CAST: variants seen among roughly 807,000 people sequenced by gnomAD.
The protein encoded by CAST is calpastatin, also known as MIR583 host.
Under a neutral mutation model 119.6 loss-of-function variants are expected in CAST, and 76 were observed. The observed-to-expected ratio is 0.64, with a 90% confidence interval of 0.53 to 0.77. The LOEUF is 0.77. Ranked by LOEUF, CAST falls within the 30% of genes least tolerant of loss-of-function variation. The pLI is 0.00. For synonymous variants in CAST, 319 were observed against 331.6 expected, an observed-to-expected ratio of 0.96 and a Z score of 0.41; for missense variants, 953 against 946.5, an observed-to-expected ratio of 1.01 and a Z score of -0.09.
the CAST span, among the ~76,000 whole-genome samples, chr5:96,171,749 G>A: frequency 6.6e-6 from 1 of 152,230 alleles, no homozygotes; most frequent in African/African-American, 2.4e-5. Context: ...GAAAGAGGTT[G>A]AGGGATAGAA....
intron 25 of CAST, among the ~76,000 whole-genome samples, chr5:96,763,663 A>G (rs1402770213): frequency 6.6e-6 from 1 of 152,212 alleles, no homozygotes; most frequent in East Asian, 1.9e-4. Context: ...TATTTAGATA[A>G]AAATATTAGG....
chr5:96,515,891 C>T, the CAST span, among the ~76,000 whole-genome samples: 1 of 151,918 alleles, frequency 6.6e-6, no homozygotes, highest in Non-Finnish European at 1.5e-5. Context: ...CCTCCAACAT[C>T]TTCTGTAGGA....
the CAST span, among the ~76,000 whole-genome samples, chr5:96,290,102 C>A: frequency 8.5e-5 from 13 of 152,168 alleles, 1 homozygote; most frequent in African/African-American, 3.1e-4. Flanking sequence ...GTCACGAGTC[C>A]AAAAACTCAT....
At chr5:96,632,084 T>C (rs1747827300) in intron 1 of CAST, among the ~76,000 whole-genome samples, 1 of 151,684 alleles carries the variant, frequency 6.6e-6, no homozygotes, top group South Asian at 2.1e-4. Context: ...TGTAGCATCA[T>C]AATGACTAAT....
chr5:96,516,762 C>T, the CAST span, among the ~76,000 whole-genome samples: 6 of 152,154 alleles, frequency 3.9e-5, no homozygotes, highest in South Asian at 2.1e-4. Flanking sequence ...CTAAAAGAAA[C>T]GCACTTCTAC....
chr5:96,329,205 A>G, the CAST span, among the ~76,000 whole-genome samples: 3 of 152,222 alleles, frequency 2.0e-5, no homozygotes, highest in South Asian at 2.1e-4. Context: ...CAAGAGTGCA[A>G]TTAGCCTCAC....
At chr5:96,425,827 C>G in the CAST span, 2 of 1,564,580 alleles carry the variant, frequency 1.3e-6, no homozygotes, top group South Asian at 1.1e-5. Flanking sequence ...TACCAAGTAC[C>G]ATTGCTGATT....
At chr5:96,255,591 A>G in the CAST span, among the ~76,000 whole-genome samples, 1 of 152,126 alleles carries the variant, frequency 6.6e-6, no homozygotes, top group South Asian at 2.1e-4. Context: ...TCTGTGGAAC[A>G]CTATGAAAGT....
intron 11 of CAST, among the ~76,000 whole-genome samples, 167 bp downstream of exon 11, chr5:96,738,114 G>A (rs1197826515): frequency 6.6e-6 from 1 of 152,126 alleles, no homozygotes; most frequent in African/African-American, 2.4e-5. Context: ...TTGAAGTCAG[G>A]CATTCAAGAC....
At chr5:96,186,879 G>A in the CAST span, among the ~76,000 whole-genome samples, 1 of 152,144 alleles carries the variant, frequency 6.6e-6, no homozygotes. Flanking sequence ...GAGTTAGGGA[G>A]GAGTCCCTCC....
chr5:96,631,557 G>A (rs77412222), intron 1 of CAST, among the ~76,000 whole-genome samples: 26,423 of 136,292 alleles, frequency 0.19, 6,397 homozygotes, highest in African/African-American at 0.4. Context: ...TGCTGTGAAC[G>A]TTTGTGTAAA....
At chr5:96,253,995 G>T in the CAST span, among the ~76,000 whole-genome samples, 1,373 of 141,050 alleles carry the variant, frequency 9.7e-3, 25 homozygotes, top group African/African-American at 0.034. Context: ...TTTTCTTTTG[G>T]CAAGTCACAG....
At chr5:96,726,365 G>A (rs1270189076) in intron 4 of CAST, among the ~76,000 whole-genome samples, 3 of 152,188 alleles carry the variant, frequency 2.0e-5, no homozygotes, top group Non-Finnish European at 4.4e-5. Context: ...ATACAGGACT[G>A]TGATGTGCCC....
intron 4 of CAST, among the ~76,000 whole-genome samples, chr5:96,726,056 AAAAT>A (rs1759190436): frequency 6.6e-6 from 1 of 152,222 alleles, no homozygotes; most frequent in Admixed American, 6.5e-5. Flanking sequence ...TCTTCAAATA[AAAAT>A]AAATAAATAA....
the CAST span, among the ~76,000 whole-genome samples, chr5:96,506,520 T>C: frequency 6.6e-6 from 1 of 152,282 alleles, no homozygotes; most frequent in African/African-American, 2.4e-5. Flanking sequence ...TCAACACATA[T>C]GTAGGGAACT....
chr5:96,665,928 AATAC>A (rs1322590639), intron 1 of CAST, among the ~76,000 whole-genome samples: 2 of 152,320 alleles, frequency 1.3e-5, no homozygotes, highest in South Asian at 2.1e-4. Context: ...ATGCATGTAT[AATAC>A]ATATATAGAC....
At chr5:96,139,840 A>C in the CAST span, among the ~76,000 whole-genome samples, 2 of 152,158 alleles carry the variant, frequency 1.3e-5, no homozygotes, top group African/African-American at 4.8e-5. Flanking sequence ...AGTGGTATTA[A>C]ATTTTTATTG....
chr5:96,615,305 C>A (rs1340893536), intron 1 of CAST, among the ~76,000 whole-genome samples: 1 of 152,166 alleles, frequency 6.6e-6, no homozygotes, highest in African/African-American at 2.4e-5. Context: ...TTTATCCCAT[C>A]GTAAGCCAAA....
chr5:96,188,576 A>G, the CAST span, among the ~76,000 whole-genome samples: 4 of 152,116 alleles, frequency 2.6e-5, no homozygotes, highest in Admixed American at 2.0e-4. Flanking sequence ...AACTTTAGAT[A>G]TATCTGTTGA....
Sources: gnomAD v4.1 joint callset for allele counts (sites outside exome capture counted in the v4.1 genomes callset) on GRCh38, gnomAD v4.1.1 for gene constraint, MANE v1.5 for transcripts, NCBI Gene and HGNC (gene_info 2026-07-23, HGNC 2026-07-21) for gene names.